The following USP34 variants were observed in gnomAD, a reference collection of about 807,000 sequenced individuals.
USP34 encodes ubiquitin specific peptidase 34, also known as ubiquitin carboxyl-terminal hydrolase 34.
A neutral mutation model predicts 460.3 loss-of-function variants in USP34; 70 were observed. The observed-to-expected ratio is 0.15, with a 90% CI of 0.13 to 0.19. The LOEUF is 0.19. Among genes scored for constraint, USP34 ranks in the 10% least tolerant of loss-of-function variants. The probability of loss-of-function intolerance (pLI) is 1.00; values close to 1 mark genes in which losing one functional copy is unlikely to be tolerated. For missense variants in USP34, 3,985 were observed against 4,236.2 expected, an observed-to-expected ratio of 0.94 and a Z score of 1.65; for synonymous variants, 1,647 against 1,405.3, an observed-to-expected ratio of 1.17 and a Z score of -3.85.
At position 61,232,551 on chromosome 2, in the gene USP34, G is replaced by A. The variant is rs1331236978; in HGVS notation, c.7033-19C>T. The A allele has an allele frequency of 4.4e-6, 7 of 1,581,764 alleles. No individual in the cohort carries two copies. The highest frequency in any genetic ancestry group is 6.0e-6 in the Non-Finnish European group (7 of 1,162,844). ...AAAACCACTGTTAAAAAAAAATACA[G>A]CATGACTTTAACATTCAACAAATAT... On this transcript the variant is annotated intron_variant, in intron 57 of 79. Transcript: ENST00000398571.
Position 61,188,249 on chromosome 2 carries a change from A to G in USP34, c.10494T>C (p.Val3498=), listed in dbSNP as rs1349593535. The change falls in exon 80 of 80, where the codon GTT becomes GTC. Residue 3498 remains valine, a synonymous_variant. Transcript: ENST00000398571. The part of the protein sequence containing the change: ...GQALPSQDPE[V]ALSLSCGHSR... ...AATGGCCACAACTGAGAGATAAAGC[A>G]ACCTCAGGGTCCTGGGAGGGCAAAG... 3 of 1,614,196 alleles carry G rather than the reference A, an allele frequency of 1.9e-6. No homozygotes were observed. Among genetic ancestry groups the G allele is most frequent in the Non-Finnish European group, 2.5e-6 (3 of 1,180,044 alleles).
Position 61,296,819 on chromosome 2 carries a change from T to C in USP34, c.4235A>G (p.Gln1412Arg). The C allele has an allele frequency of 6.2e-7, 1 of 1,613,238 alleles. No homozygotes were observed. The highest frequency in any genetic ancestry group is 8.5e-7 in the Non-Finnish European group (1 of 1,179,670). The change falls in exon 30 of 80, where the codon CAG becomes CGG. Residue 1412 changes from glutamine to arginine, a missense_variant. Gln to Arg is a conservative substitution (Grantham distance 43). Around this residue, in one of 14 missense-constraint regions of USP34, gnomAD observed 1,114 missense variants for 1,122.5 expected, o/e 0.99. Transcript: ENST00000398571. ...PTCPNMLMAFQNISDEQSNDG... is the reference protein window; with the variant it reads ...PTCPNMLMAFRNISDEQSNDG... Reference sequence around the variant, plus strand: ...GCTCACCTGCTCATCTGAGATATTCTGGAATGCCATCAACATATTAGGACA... The same window carrying C: ...GCTCACCTGCTCATCTGAGATATTCCGGAATGCCATCAACATATTAGGACA...
chr2:61,444,921 CAA>C (rs34855063), intron 1 of USP34, among the ~76,000 whole-genome samples: 11 of 137,934 alleles, frequency 8.0e-5, no homozygotes, highest in Non-Finnish European at 7.8e-5. Context: ...TCCTTAACAC[CAA>C]AAAAAAAAAA....
At position 61,200,551 on chromosome 2, in the gene USP34, C is replaced by G. The variant is rs75624660; in HGVS notation, c.9508+2589G>C. 7.9e-4 allele frequency: 121 copies of G among 152,414 alleles called. 1 individual carries two copies. In the East Asian group the frequency reaches 0.016, roughly 20 times the overall value. The allele number at this position is 152,414 out of a possible 1,614,324, so 9.4% of individuals were successfully genotyped here. A position where few individuals can be genotyped will look rare whatever the true frequency, so the allele number is the denominator to read the frequency against. On this transcript the variant is annotated intron_variant, in intron 75 of 79. Coordinates refer to ENST00000398571, the MANE Select transcript of USP34 (RefSeq NM_014709.4). Reference sequence around the variant, plus strand: ...TCAGTTGCCCATATAAAAATTACCACAAAGACTTTTCCTCATAACTGGAAA... The same window carrying G: ...TCAGTTGCCCATATAAAAATTACCAGAAAGACTTTTCCTCATAACTGGAAA...
chr2:61,349,424 A>G, intron 12 of USP34, 139 bp from the exon 13 acceptor site: 1 of 775,700 alleles, frequency 1.3e-6, no homozygotes, highest in South Asian at 2.0e-5. Flanking sequence ...CCCACCACCT[A>G]CAGTAGTTGT....
chr2:61,283,847 T>C (rs1008999019), intron 35 of USP34, among the ~76,000 whole-genome samples: 1 of 152,018 alleles, frequency 6.6e-6, no homozygotes, highest in Non-Finnish European at 1.5e-5. Context: ...TTCTTTATCA[T>C]TTATTTAAAG....
intron 12 of USP34, 43 bp from the exon 13 acceptor site, chr2:61,349,328 C>T (rs1296605321): frequency 1.3e-6 from 2 of 1,597,248 alleles, no homozygotes; most frequent in African/African-American, 1.3e-5. Flanking sequence ...TTCTAAGTGA[C>T]TCAGCTTCTT....
At chr2:61,397,132 T>A (rs191011218) in intron 3 of USP34, among the ~76,000 whole-genome samples, 2 of 152,294 alleles carry the variant, frequency 1.3e-5, no homozygotes, top group East Asian at 3.9e-4. Context: ...CTGTATTTTG[T>A]ATATTCTGTA....
At chr2:61,453,383 C>G (rs1021448562) in intron 1 of USP34, among the ~76,000 whole-genome samples, 4 of 151,762 alleles carry the variant, frequency 2.6e-5, no homozygotes, top group Non-Finnish European at 5.9e-5. Context: ...CACTGTACTC[C>G]AGCATAGACG....
intron 5 of USP34, among the ~76,000 whole-genome samples, chr2:61,387,420 G>T (rs886214733): frequency 6.6e-6 from 1 of 151,342 alleles, no homozygotes; most frequent in Non-Finnish European, 1.5e-5. Context: ...AGCCAAGATC[G>T]CACCACTGCA....
At chr2:61,433,328 T>TAC (rs1353601672) in intron 1 of USP34, among the ~76,000 whole-genome samples, 1 of 152,108 alleles carries the variant, frequency 6.6e-6, no homozygotes, top group African/African-American at 2.4e-5. Context: ...CACAAACACC[T>TAC]ACACTCCTTA....
chr2:61,447,305 C>T (rs1472433516), intron 1 of USP34, among the ~76,000 whole-genome samples: 1 of 144,094 alleles, frequency 6.9e-6, no homozygotes. Context: ...TATAATTCCA[C>T]TGATCTCATC....
At chr2:61,440,599 C>A (rs1307072886) in intron 1 of USP34, among the ~76,000 whole-genome samples, 1 of 151,142 alleles carries the variant, frequency 6.6e-6, no homozygotes, top group Non-Finnish European at 1.5e-5. Context: ...CTCACTGCAA[C>A]CTCCTCCTCC....
At chr2:61,374,764 T>C (rs1692740809) in intron 8 of USP34, among the ~76,000 whole-genome samples, 1 of 152,186 alleles carries the variant, frequency 6.6e-6, no homozygotes, top group Non-Finnish European at 1.5e-5. Flanking sequence ...AGACGGGGTT[T>C]CGCCATGTTG....
At chr2:61,263,155 C>T (rs184741658) in intron 43 of USP34, among the ~76,000 whole-genome samples, 5 of 149,600 alleles carry the variant, frequency 3.3e-5, no homozygotes, top group East Asian at 2.0e-4. Context: ...ACTACAGGCA[C>T]GCACCACCAC....
intron 23 of USP34, among the ~76,000 whole-genome samples, chr2:61,316,682 C>T (rs1690759464): frequency 6.6e-6 from 1 of 151,960 alleles, no homozygotes; most frequent in Admixed American, 6.6e-5. Flanking sequence ...GTCAGGAGCT[C>T]GAGACCAGCC....
intron 53 of USP34, among the ~76,000 whole-genome samples, chr2:61,240,010 CAAAAA>C (rs10552748): frequency 9.5e-6 from 1 of 104,858 alleles, no homozygotes; most frequent in African/African-American, 3.5e-5. Flanking sequence ...GACTCCTTCT[CAAAAA>C]AAAAAAAAAA....
chr2:61,380,843 T>C (rs1350007294), intron 6 of USP34, among the ~76,000 whole-genome samples: 1 of 152,168 alleles, frequency 6.6e-6, no homozygotes, highest in Non-Finnish European at 1.5e-5. Flanking sequence ...GAAAGAGAAG[T>C]GCCTGATGCT....
intron 48 of USP34, chr2:61,250,696 C>G (rs959853162): frequency 1.3e-5 from 2 of 152,756 alleles, no homozygotes; most frequent in African/African-American, 4.8e-5. Context: ...AATTGAAGAG[C>G]TGTTATGATC....
Sources: gnomAD v4.1 joint callset for allele counts (sites outside exome capture counted in the v4.1 genomes callset) on GRCh38, gnomAD v4.1.1 for gene constraint, gnomAD v4.1.1 regional missense constraint, MANE v1.5 for transcripts, NCBI Gene and HGNC (gene_info 2026-07-23, HGNC 2026-07-21) for gene names.